The following NABP1 variants were observed in gnomAD, a reference collection of about 807,000 sequenced individuals.
The protein encoded by NABP1 is SOSS complex subunit B2.
Under a neutral mutation model 25.0 loss-of-function variants are expected in NABP1, and 18 were observed. The ratio of observed to expected loss-of-function variants is 0.72; its 90% CI spans 0.50 to 1.07. NABP1 has a LOEUF of 1.07. Among genes scored for constraint, NABP1 ranks in the 50% least tolerant of loss-of-function variants. NABP1 has a pLI of 0.00. For missense variants in NABP1, 270 were observed against 255.6 expected, an observed-to-expected ratio of 1.06 and a Z score of -0.39; for synonymous variants, 71 against 85.0, an observed-to-expected ratio of 0.84 and a Z score of 0.91.
rs184227876 is a variant in NABP1 at position 191,681,293 on chromosome 2, C to T, written c.231-653C>T. ...GGATTGATTTTATAATATTAATTTACCTTTTTCTTAGATATCTAGGATTAT... is the reference window on the plus strand; with the variant it reads ...GGATTGATTTTATAATATTAATTTATCTTTTTCTTAGATATCTAGGATTAT... On this transcript the variant is annotated intron_variant, in intron 2 of 5. Coordinates refer to ENST00000425611, the MANE Select transcript of NABP1 (RefSeq NM_001031716.5). Among the ~76,000 whole-genome samples, 493 of 152,192 alleles carry T rather than the reference C, an allele frequency of 3.2e-3. 5 individuals are homozygous for T. Among genetic ancestry groups the T allele is most frequent in the African/African-American group, 0.011 (456 of 41,516 alleles).
At chr2:191,679,265 T>G (rs1687601234) in intron 2 of NABP1, 137 bp downstream of exon 2, 1 of 1,021,418 alleles carries the variant, frequency 9.8e-7, no homozygotes, top group African/African-American at 1.6e-5. Context: ...CCTTTGGTGT[T>G]AACTTTGGGT....
At position 191,678,553 on chromosome 2, in the gene NABP1, G is replaced by T; in HGVS notation, c.-62G>T. 1 of 1,263,932 alleles carries T rather than the reference G, an allele frequency of 7.9e-7. No individual in the cohort carries two copies. The highest frequency in any genetic ancestry group is 2.3e-5 in the East Asian group (1 of 42,958). The allele number at this position is 1,263,932 out of a possible 1,614,324, so 78.3% of individuals were successfully genotyped here. Reference sequence around the variant, plus strand: ...CCTTCGCCCCTGTCCCGGGAGGGTGGGAAGCTTTGACCCCGCCCTGCCCAC... The same window carrying T: ...CCTTCGCCCCTGTCCCGGGAGGGTGTGAAGCTTTGACCCCGCCCTGCCCAC... On this transcript the variant is annotated 5_prime_UTR_variant, in exon 1 of 6. Coordinates refer to ENST00000425611, the MANE Select transcript of NABP1 (RefSeq NM_001031716.5).
chr2:191,678,723 C>T lies in NABP1; in HGVS notation c.91+18C>T. ...GGAGATAGGTAAGTGGGGTTTGCAG[C>T]CTACTCCACCGCCCGCTGTGCCTCC... On this transcript the variant is annotated intron_variant, in intron 1 of 5. Coordinates refer to ENST00000425611, the MANE Select transcript of NABP1 (RefSeq NM_001031716.5). 1.3e-6 allele frequency: 2 copies of T among 1,598,992 alleles called. No homozygotes were observed. Among genetic ancestry groups the T allele is most frequent in the Non-Finnish European group, 1.7e-6 (2 of 1,170,854 alleles).
chr2:191,678,762 A>T, intron 1 of NABP1, 57 bp downstream of exon 1: 6 of 1,511,612 alleles, frequency 4.0e-6, no homozygotes, highest in Non-Finnish European at 5.4e-6. Context: ...GGCGGGAGAC[A>T]GGGGCGCCGG....
Position 191,678,640 on chromosome 2 carries a change from T to TAA in NABP1, c.26_27insAA (p.Phe10IlefsTer3). The TAA allele has an allele frequency of 6.2e-7, 1 of 1,613,622 alleles. No homozygotes were observed. The highest frequency in any genetic ancestry group is 8.5e-7 in the Non-Finnish European group (1 of 1,179,796). The stretch of plus-strand genomic sequence containing the variant: ...ATGAATAGGGTCAACGACCCACTTA[T>TAA]TTTTATAAGAGATATTAAGCCCGGA... On this transcript the variant is annotated frameshift_variant, in exon 1 of 6. Coordinates refer to ENST00000425611, the MANE Select transcript of NABP1 (RefSeq NM_001031716.5). LOFTEE classifies it high-confidence loss of function.
intron 3 of NABP1, chr2:191,682,794 A>C (rs1687723727): frequency 3.9e-6 from 1 of 254,170 alleles, no homozygotes; most frequent in African/African-American, 2.3e-5. Flanking sequence ...CACTGAGGGA[A>C]TAAGATGCTT....
In NABP1 at chr2:191,684,230, G is replaced by A; in HGVS notation, c.379G>A (p.Ala127Thr). 1 of 1,543,172 alleles carries A rather than the reference G, an allele frequency of 6.5e-7. No homozygotes were observed. The highest frequency in any genetic ancestry group is 8.7e-7 in the Non-Finnish European group (1 of 1,151,464). Residue 127 changes from alanine (A) to threonine (T), a missense_variant and splice_region_variant, in exon 5 of 6, where the codon GCA becomes ACA. Coordinates refer to ENST00000425611, the MANE Select transcript of NABP1 (RefSeq NM_001031716.5). Reference protein sequence around the residue: ...PDYRGQQNKGAQSEQKNNSMN... With the variant: ...PDYRGQQNKGTQSEQKNNSMN... ...GGTTAAATTAAAAACTTTTTTTTAG[G>A]CACAGAGTGAACAGAAGAATAATTC...
intron 2 of NABP1, among the ~76,000 whole-genome samples, chr2:191,680,750 CTA>C (rs1350308206): frequency 6.6e-6 from 1 of 152,120 alleles, no homozygotes; most frequent in African/African-American, 2.4e-5. Context: ...AAATTAAAAA[CTA>C]TAGAAACTCT....
At chr2:191,681,213 A>G (rs1687677247) in intron 2 of NABP1, among the ~76,000 whole-genome samples, 1 of 152,206 alleles carries the variant, frequency 6.6e-6, no homozygotes, top group Non-Finnish European at 1.5e-5. Context: ...ATAGTAAGTT[A>G]AAGTCATGAA....
chr2:191,685,461 T>C, intron 5 of NABP1, 138 bp from the exon 6 acceptor site: 1 of 811,270 alleles, frequency 1.2e-6, no homozygotes, highest in East Asian at 2.8e-5. Context: ...AGAGCCCACA[T>C]TGTTTTTTTT....
chr2:191,678,812 C>T (rs1216895792), intron 1 of NABP1, 107 bp downstream of exon 1: 1 of 1,094,326 alleles, frequency 9.1e-7, no homozygotes, highest in Non-Finnish European at 1.3e-6. Context: ...TCCCTCCCCT[C>T]CCCCACCCAC....
intron 2 of NABP1, among the ~76,000 whole-genome samples, chr2:191,680,275 TGTTGG>T (rs1344076514): frequency 6.6e-6 from 1 of 152,170 alleles, no homozygotes; most frequent in Admixed American, 6.5e-5. Context: ...TGGAGATTGA[TGTTGG>T]CCTAATAAGT....
chr2:191,684,125 A>G, intron 4 of NABP1, 105 bp from the exon 5 acceptor site: 1 of 726,626 alleles, frequency 1.4e-6, no homozygotes, highest in Non-Finnish European at 2.1e-6. Flanking sequence ...TAAAAAAAAA[A>G]AAAAAGCCAA....
intron 2 of NABP1, among the ~76,000 whole-genome samples, chr2:191,679,768 G>T (rs1687624324): frequency 6.6e-6 from 1 of 152,184 alleles, no homozygotes; most frequent in South Asian, 2.1e-4. Context: ...TTTCTCTAGT[G>T]TAGTTGCCAC....
At position 191,686,074 on chromosome 2, in the gene NABP1, C is replaced by T. The variant is rs1021181926; in HGVS notation, c.*306C>T. On this transcript the variant is annotated 3_prime_UTR_variant, in exon 6 of 6. Transcript: ENST00000425611. ...TTACTTAAGACATCAGCTTTATAGC[C>T]TCTATGAGTCTATCTTCTGTATAAG... 1 of 235,510 alleles carries T rather than the reference C, an allele frequency of 4.2e-6. No homozygotes were observed. Among genetic ancestry groups the T allele is most frequent in the Non-Finnish European group, 8.2e-6 (1 of 121,216 alleles). The allele number at this position is 235,510 out of a possible 1,614,324, so 14.6% of individuals were successfully genotyped here.
intron 1 of NABP1, 109 bp from the exon 2 acceptor site, chr2:191,678,881 T>G: frequency 1.3e-6 from 2 of 1,518,548 alleles, no homozygotes; most frequent in Non-Finnish European, 1.8e-6. Flanking sequence ...GCCCTGGGCT[T>G]GGTCACTTCC....
chr2:191,679,409 G>C (rs1264039709), intron 2 of NABP1, among the ~76,000 whole-genome samples: 2 of 152,150 alleles, frequency 1.3e-5, no homozygotes, highest in Non-Finnish European at 2.9e-5. Context: ...ACCGAGTCTC[G>C]CTCTGTCGCC....
chr2:191,682,653 G>A, intron 3 of NABP1: 1 of 449,956 alleles, frequency 2.2e-6, no homozygotes, highest in South Asian at 1.6e-5. Context: ...GTATGGTACA[G>A]GCAATGAGCC....
chr2:191,682,477 T>C (rs1687712677), intron 3 of NABP1: 1 of 470,398 alleles, frequency 2.1e-6, no homozygotes, highest in East Asian at 6.9e-5. Context: ...ACTGAAGTCC[T>C]CTATTTATCC....
Sources: allele counts gnomAD v4.1 joint callset (sites outside exome capture counted in the v4.1 genomes callset), GRCh38; gene constraint gnomAD v4.1.1; transcripts MANE v1.5; gene names NCBI Gene and HGNC (gene_info 2026-07-23, HGNC 2026-07-21).